TENM2: variants seen among roughly 807,000 people sequenced by gnomAD.
TENM2 encodes teneurin-2.
In TENM2, 52 loss-of-function variants were observed where a neutral mutation model predicts 245.2. The ratio of observed to expected loss-of-function variants is 0.21; its 90% confidence interval spans 0.17 to 0.27. TENM2 has a LOEUF of 0.27. Ranked by LOEUF, TENM2 falls within the 10% of genes least tolerant of loss-of-function variation. The pLI is 1.00. For synonymous variants in TENM2, 1,363 were observed against 1,438.9 expected, an observed-to-expected ratio of 0.95 and a Z score of 1.19; for missense variants, 3,046 against 3,666.8, an observed-to-expected ratio of 0.83 and a Z score of 4.37.
intron 2 of TENM2, among the ~76,000 whole-genome samples, chr5:167,697,048 C>G (rs1290133261): frequency 2.0e-5 from 3 of 152,194 alleles, no homozygotes; most frequent in African/African-American, 7.2e-5. Context: ...TCCTTCCAGC[C>G]CTTACCCTCC....
chr5:167,365,941 C>A (rs1290894977), intron 1 of TENM2, among the ~76,000 whole-genome samples: 2 of 151,552 alleles, frequency 1.3e-5, no homozygotes, highest in East Asian at 3.9e-4. Context: ...AATGGCTGAA[C>A]ATTAAAGACA....
the TENM2 span, among the ~76,000 whole-genome samples, chr5:167,252,166 G>A: frequency 7.6e-4 from 115 of 152,214 alleles, no homozygotes; most frequent in African/African-American, 2.6e-3. Context: ...AGCTTAGAGG[G>A]CTATGAAATC....
the TENM2 span, among the ~76,000 whole-genome samples, chr5:166,981,915 A>G: frequency 1.3e-5 from 2 of 152,142 alleles, no homozygotes; most frequent in South Asian, 2.1e-4. Flanking sequence ...CTGGATTTGT[A>G]TGACTCTTAC....
intron 2 of TENM2, among the ~76,000 whole-genome samples, chr5:167,411,604 G>GTGTGTGTGTGTA (rs948726443): frequency 6.6e-6 from 1 of 150,476 alleles, no homozygotes; most frequent in Non-Finnish European, 1.5e-5. Flanking sequence ...GTGTGTGTGT[G>GTGTGTGTGTGTA]TGTGTATGTA....
the TENM2 span, among the ~76,000 whole-genome samples, chr5:167,049,295 G>A: frequency 2.6e-5 from 4 of 152,310 alleles, no homozygotes; most frequent in East Asian, 1.9e-4. Context: ...CACGAGTCAC[G>A]TGTATGTTTA....
At chr5:167,237,673 A>G in the TENM2 span, among the ~76,000 whole-genome samples, 2 of 152,186 alleles carry the variant, frequency 1.3e-5, no homozygotes, top group Non-Finnish European at 2.9e-5. Flanking sequence ...GAATGTCAGC[A>G]GCTTGGAGGA....
intron 1 of TENM2, among the ~76,000 whole-genome samples, chr5:167,305,860 A>G (rs1755645964): frequency 6.6e-6 from 1 of 152,232 alleles, no homozygotes; most frequent in Admixed American, 6.5e-5. Flanking sequence ...CCATTCAATA[A>G]TATCCCCATT....
chr5:167,572,955 A>G (rs1774374597), intron 2 of TENM2, among the ~76,000 whole-genome samples: 1 of 152,166 alleles, frequency 6.6e-6, no homozygotes, highest in African/African-American at 2.4e-5. Flanking sequence ...TTTCCTTCAG[A>G]CACCATGCCC....
the TENM2 span, among the ~76,000 whole-genome samples, chr5:167,005,569 T>C: frequency 6.6e-6 from 1 of 151,860 alleles, no homozygotes; most frequent in African/African-American, 2.4e-5. Flanking sequence ...TATGCTAGTT[T>C]TTAAAAAAAG....
intron 2 of TENM2, chr5:167,653,315 T>C (rs559197758): frequency 1.4e-4 from 21 of 152,196 alleles, no homozygotes; most frequent in Admixed American, 1.2e-3. Flanking sequence ...AATGCAAGGG[T>C]GAAATCACAG....
chr5:167,179,806 G>A, the TENM2 span, among the ~76,000 whole-genome samples: 1,731 of 152,254 alleles, frequency 0.011, 30 homozygotes, highest in African/African-American at 0.039. Context: ...AACCAGGACC[G>A]TTGGTCACCC....
chr5:167,513,152 T>C (rs1770082956), intron 2 of TENM2, among the ~76,000 whole-genome samples: 1 of 152,158 alleles, frequency 6.6e-6, no homozygotes, highest in Admixed American at 6.5e-5. Flanking sequence ...TTTAATTTAA[T>C]TGGATAGAAA....
At chr5:168,240,081 A>T (rs981967746) in intron 25 of TENM2, among the ~76,000 whole-genome samples, 1 of 152,194 alleles carries the variant, frequency 6.6e-6, no homozygotes, top group Non-Finnish European at 1.5e-5. Context: ...TTAGCCAGGC[A>T]TGGTGGTGCA....
chr5:167,870,209 G>T (rs1360215944), intron 2 of TENM2, among the ~76,000 whole-genome samples: 1 of 152,044 alleles, frequency 6.6e-6, no homozygotes, highest in Admixed American at 6.6e-5. Context: ...GTGTGAGTGG[G>T]GCACCATGGT....
chr5:168,145,065 A>G (rs1169878728), intron 12 of TENM2, among the ~76,000 whole-genome samples: 1 of 151,686 alleles, frequency 6.6e-6, no homozygotes, highest in East Asian at 1.9e-4. Flanking sequence ...AGTTCACTGT[A>G]GATTCTGGAT....
intron 2 of TENM2, among the ~76,000 whole-genome samples, chr5:167,872,854 A>C (rs995304752): frequency 1.3e-5 from 2 of 152,264 alleles, no homozygotes; most frequent in African/African-American, 4.8e-5. Context: ...CATGCTGAAC[A>C]AAATTTCAAA....
At chr5:168,169,386 A>G (rs1554213378) in intron 13 of TENM2, among the ~76,000 whole-genome samples, 1 of 152,184 alleles carries the variant, frequency 6.6e-6, no homozygotes, top group Non-Finnish European at 1.5e-5. Flanking sequence ...ACTCCAAAGG[A>G]GGCTGCCTTG....
chr5:168,108,348 A>G (rs1794416321), intron 9 of TENM2, among the ~76,000 whole-genome samples: 1 of 152,240 alleles, frequency 6.6e-6, no homozygotes, highest in African/African-American at 2.4e-5. Context: ...CTAGGTTTGA[A>G]TTATTGCTGC....
chr5:167,012,853 T>C, the TENM2 span, among the ~76,000 whole-genome samples: 11 of 142,390 alleles, frequency 7.7e-5, no homozygotes, highest in African/African-American at 2.9e-4. Context: ...TGTGTTTGTG[T>C]GTGTGTGTAT....
Sources: allele counts gnomAD v4.1 joint callset (sites outside exome capture counted in the v4.1 genomes callset), GRCh38; gene constraint gnomAD v4.1.1; transcripts MANE v1.5; gene names NCBI Gene and HGNC (gene_info 2026-07-23, HGNC 2026-07-21).